The following FGF12 variants were observed in gnomAD, a reference collection of about 807,000 sequenced individuals.
FGF12 encodes the protein fibroblast growth factor 12B.
FGF12 carries 14 observed loss-of-function variants against 23.6 expected under a neutral mutation model. The observed-to-expected ratio is 0.59, with a 90% CI of 0.39 to 0.93. The LOEUF (loss-of-function observed/expected upper bound fraction) is 0.93. Among genes scored for constraint, FGF12 ranks in the 40% least tolerant of loss-of-function variants. The probability of loss-of-function intolerance (pLI) is 0.00; values close to 1 mark genes in which losing one functional copy is unlikely to be tolerated. For synonymous variants in FGF12, 62 were observed against 77.3 expected, an observed-to-expected ratio of 0.80 and a Z score of 1.04; for missense variants, 175 against 217.8, an observed-to-expected ratio of 0.80 and a Z score of 1.24.
chr3:192,288,601 C>T (rs376426110), intron 4 of FGF12, among the ~76,000 whole-genome samples: 1 of 152,144 alleles, frequency 6.6e-6, no homozygotes, highest in South Asian at 2.1e-4. Context: ...CCATGGCCAT[C>T]CTATTTTCTT....
At chr3:192,493,793 G>C (rs1391064190) in intron 2 of FGF12, among the ~76,000 whole-genome samples, 1 of 152,106 alleles carries the variant, frequency 6.6e-6, no homozygotes, top group Non-Finnish European at 1.5e-5. Flanking sequence ...CACCAAGGGG[G>C]ATGGTGTTCA....
chr3:192,472,248 C>T (rs1723195700), intron 2 of FGF12, among the ~76,000 whole-genome samples: 1 of 152,036 alleles, frequency 6.6e-6, no homozygotes, highest in African/African-American at 2.4e-5. Context: ...GATCTCCTGA[C>T]CTCGGGATCT....
rs577843805 is a variant in FGF12, at chr3:192,365,153, A to G, written c.14-4615T>C. ...AAATGCTTGAGGTGAGAGATAACCT[A>G]TTTGCCTTGATGTGATTACTATGCA... On this transcript the variant is annotated intron_variant, in intron 2 of 5. Transcript: ENST00000445105. Among the ~76,000 whole-genome samples the G allele has an allele frequency of 1.2e-3, 186 of 152,124 alleles. 2 individuals are homozygous for G. The Middle Eastern group carries it at 0.017, about 14-fold the overall frequency.
In FGF12 at chr3:192,564,006, A is replaced by C. The variant is rs185104259; in HGVS notation, c.13+163175T>G. ...CCTGTCCATATATTAGGAGGCACCA[A>C]GGCTTAAAATTAGACTATGTGTAGT... On this transcript the variant is annotated intron_variant, in intron 2 of 5. Coordinates refer to ENST00000445105, the MANE Select transcript of FGF12 (RefSeq NM_004113.6). 3.3e-5 allele frequency among the ~76,000 whole-genome samples: 5 copies of C among 152,238 alleles called. No homozygotes were observed. The East Asian group carries it at 9.7e-4, about 29-fold the overall frequency.
intron 2 of FGF12, among the ~76,000 whole-genome samples, chr3:192,597,752 G>A (rs929942814): frequency 2.6e-5 from 4 of 152,222 alleles, no homozygotes; most frequent in South Asian, 2.1e-4. Flanking sequence ...TGCCAGTTAC[G>A]TGGATGACAA....
At chr3:192,559,377 G>A (rs1298310721) in intron 2 of FGF12, among the ~76,000 whole-genome samples, 1 of 152,060 alleles carries the variant, frequency 6.6e-6, no homozygotes, top group South Asian at 2.1e-4. Context: ...GTTACTATGG[G>A]AATAGTAAAA....
At position 192,476,431 on chromosome 3, in the gene FGF12, G is replaced by A. The variant is rs113295279; in HGVS notation, c.14-115893C>T. ...CCCACCACCACTCTACATTAACCCTGATGAATTACTCATCATTTTACCACA... is the reference window on the plus strand; with the variant it reads ...CCCACCACCACTCTACATTAACCCTAATGAATTACTCATCATTTTACCACA... On this transcript the variant is annotated intron_variant, in intron 2 of 5. Coordinates refer to ENST00000445105, the MANE Select transcript of FGF12 (RefSeq NM_004113.6). 2.6e-3 allele frequency among the ~76,000 whole-genome samples: 396 copies of A among 152,194 alleles called. 4 individuals carry two copies. Among genetic ancestry groups the A allele is most frequent in the African/African-American group, 9.1e-3 (376 of 41,518 alleles).
At chr3:192,385,843 G>C (rs985336894) in intron 2 of FGF12, among the ~76,000 whole-genome samples, 6 of 152,186 alleles carry the variant, frequency 3.9e-5, no homozygotes, top group African/African-American at 1.2e-4. Context: ...GTGTGGTACA[G>C]AATAGGGAAG....
chr3:192,678,901 T>C (rs1218220856), intron 2 of FGF12, among the ~76,000 whole-genome samples: 1 of 152,084 alleles, frequency 6.6e-6, no homozygotes, highest in Non-Finnish European at 1.5e-5. Flanking sequence ...CAATCTTTAA[T>C]ATGCTTCAGA....
intron 2 of FGF12, among the ~76,000 whole-genome samples, chr3:192,481,751 T>C (rs778163806): frequency 2.1e-4 from 32 of 152,300 alleles, no homozygotes; most frequent in Non-Finnish European, 4.1e-4. Context: ...CACCCTGAAG[T>C]TCGGTCTACG....
intron 2 of FGF12, among the ~76,000 whole-genome samples, chr3:192,404,004 T>G (rs984119689): frequency 2.0e-5 from 3 of 152,048 alleles, no homozygotes; most frequent in Non-Finnish European, 4.4e-5. Context: ...ATCAACAAAA[T>G]CGGGTAAATT....
intron 2 of FGF12, among the ~76,000 whole-genome samples, chr3:192,667,337 C>T (rs948564513): frequency 6.6e-6 from 1 of 152,076 alleles, no homozygotes; most frequent in African/African-American, 2.4e-5. Flanking sequence ...GGTGTGGTTG[C>T]TCACACCTGT....
At chr3:192,485,747 C>T (rs1490140203) in intron 2 of FGF12, among the ~76,000 whole-genome samples, 1 of 151,958 alleles carries the variant, frequency 6.6e-6, no homozygotes, top group African/African-American at 2.4e-5. Context: ...ATTCAACATA[C>T]TTATGTGAAC....
chr3:192,228,945 A>T (rs1718878114), intron 4 of FGF12, among the ~76,000 whole-genome samples: 1 of 152,036 alleles, frequency 6.6e-6, no homozygotes, highest in Admixed American at 6.6e-5. Context: ...AACTTATTCA[A>T]TCCTCACAAT....
At chr3:192,307,903 T>C (rs1342353357) in intron 4 of FGF12, among the ~76,000 whole-genome samples, 8 of 152,188 alleles carry the variant, frequency 5.3e-5, no homozygotes, top group South Asian at 4.1e-4. Flanking sequence ...AACTCCATTT[T>C]ACATTTTCAC....
At chr3:192,674,305 C>G (rs1262026930) in intron 2 of FGF12, among the ~76,000 whole-genome samples, 1 of 152,226 alleles carries the variant, frequency 6.6e-6, no homozygotes, top group African/African-American at 2.4e-5. Flanking sequence ...ATGCTATCCA[C>G]TGACTCAATT....
Position 192,372,147 on chromosome 3 carries a change from T to G in FGF12, c.14-11609A>C. ...GAGTCTCTTTTCTCACAGACACATC[T>G]TTTGGCACCAGAAATAAATGAACAG... On this transcript the variant is annotated intron_variant, in intron 2 of 5. Coordinates refer to ENST00000445105, the MANE Select transcript of FGF12 (RefSeq NM_004113.6). Among the ~76,000 whole-genome samples, 3 of 152,272 alleles carry G rather than the reference T, an allele frequency of 2.0e-5. No individual in the cohort carries two copies. The Middle Eastern group carries it at 0.01, about 518-fold the overall frequency.
intron 4 of FGF12, among the ~76,000 whole-genome samples, chr3:192,208,016 T>G (rs1717741893): frequency 6.6e-6 from 1 of 152,210 alleles, no homozygotes; most frequent in Non-Finnish European, 1.5e-5. Flanking sequence ...GGATTCATTT[T>G]AGGATCCCAG....
At chr3:192,218,932 G>A (rs1362936522) in intron 4 of FGF12, among the ~76,000 whole-genome samples, 2 of 152,144 alleles carry the variant, frequency 1.3e-5, no homozygotes, top group African/African-American at 4.8e-5. Context: ...TCCTGACCCT[G>A]CCTTTCGGCT....
Sources: gnomAD v4.1 joint callset for allele counts (sites outside exome capture counted in the v4.1 genomes callset) on GRCh38, gnomAD v4.1.1 for gene constraint, MANE v1.5 for transcripts, NCBI Gene and HGNC (gene_info 2026-07-23, HGNC 2026-07-21) for gene names.